The following WDR13 variants were observed in gnomAD, a reference collection of about 807,000 sequenced individuals.
WDR13 encodes WD repeat-containing protein 13.
WDR13 carries 1 observed loss-of-function variant against 28.6 expected under a neutral mutation model. That is an observed-to-expected ratio of 0.03 (90% CI 0.01 to 0.17). The LOEUF (loss-of-function observed/expected upper bound fraction) is 0.17, where lower values mean the gene tolerates loss of function less well. Among genes scored for constraint, WDR13 ranks in the 10% least tolerant of loss-of-function variants. The pLI, the probability that WDR13 is intolerant of heterozygous loss-of-function variation, is 1.00. For missense variants in WDR13, 264 were observed against 469.3 expected (o/e 0.56, Z 4.04); for synonymous variants, 201 against 185.9 (o/e 1.08, Z -0.66).
Position 48,607,018 on chromosome X carries a change from G to A in WDR13, c.*1986G>A, listed in dbSNP as rs782585587. On this transcript the variant is annotated 3_prime_UTR_variant, in exon 10 of 10. Coordinates refer to ENST00000376729, the MANE Select transcript of WDR13 (RefSeq NM_001347217.2). The stretch of plus-strand genomic sequence containing the variant: ...CATCAGTGAGCTGGATTGTTCCCAT[G>A]GTAAAGGTCATGTATGTGTGTGTGT... 1 of 111,344 alleles carries A rather than the reference G, an allele frequency of 9.0e-6. No individual in the cohort carries two copies. The highest frequency in any genetic ancestry group is 1.9e-5 in the Non-Finnish European group (1 of 53,051). 9.2% of individuals were successfully genotyped at this position (111,344 alleles called of 1,213,427 possible). A position where few individuals can be genotyped will look rare whatever the true frequency, so the allele number is the denominator to read the frequency against.
intron 6 of WDR13, among the ~76,000 whole-genome samples, 198 bp from the exon 7 acceptor site, chrX:48,601,586 C>T (rs2062186188): frequency 8.9e-6 from 1 of 112,011 alleles, no homozygotes; most frequent in Non-Finnish European, 1.9e-5. Context: ...AGGCAGGTGG[C>T]CTACTCTGGG....
At chrX:48,602,272 G>C in intron 8 of WDR13, 66 bp downstream of exon 8, 1 of 1,097,305 alleles carries the variant, frequency 9.1e-7, no homozygotes, top group Non-Finnish European at 1.2e-6. Flanking sequence ...TGGGACAGTA[G>C]CTCATCTCCT....
chrX:48,600,782 T>C (rs1272757818), intron 6 of WDR13, 156 bp downstream of exon 6: 1 of 609,730 alleles, frequency 1.6e-6, no homozygotes, highest in African/African-American at 2.7e-5. Context: ...GTGGTCAGAC[T>C]TAAAAGGGAA....
In WDR13 at chrX:48,600,473, C is replaced by T; in HGVS notation, c.678C>T (p.Ser226=). 1 of 1,212,539 alleles carries T rather than the reference C, an allele frequency of 8.2e-7. No homozygotes were observed. Among genetic ancestry groups the T allele is most frequent in the Non-Finnish European group, 1.1e-6 (1 of 895,690 alleles). Residue 226 remains serine, a synonymous_variant, in exon 6 of 10, where the codon TCC becomes TCT. Transcript: ENST00000376729. ...GTGGTGTCTCCGACTTCGCCTGGTCCCTCTCCAATGACATCCTCGTGTCCA... is the reference window on the plus strand; with the variant it reads ...GTGGTGTCTCCGACTTCGCCTGGTCTCTCTCCAATGACATCCTCGTGTCCA... ...HTRGVSDFAW[S]LSNDILVSTS...
intron 6 of WDR13, among the ~76,000 whole-genome samples, chrX:48,601,532 G>A (rs781855848): frequency 5.3e-5 from 6 of 112,382 alleles, no homozygotes; most frequent in Non-Finnish European, 7.5e-5. Flanking sequence ...TAGGAGGACT[G>A]GCCAAGGGGC....
chrX:48,607,412 G>T lies in WDR13; in HGVS notation c.*2380G>T, dbSNP rs1214020443. On this transcript the variant is annotated 3_prime_UTR_variant, in exon 10 of 10. Coordinates refer to ENST00000376729, the MANE Select transcript of WDR13 (RefSeq NM_001347217.2). ...GGGGGGGGTCTTGCTCTGACGCCCAGGCTGGAATGCAGTGGCATGATCTTG... is the reference window on the plus strand; with the variant it reads ...GGGGGGGGTCTTGCTCTGACGCCCATGCTGGAATGCAGTGGCATGATCTTG... The T allele has an allele frequency of 1.3e-5, 1 of 77,922 alleles. No individual in the cohort carries two copies. Among genetic ancestry groups the T allele is most frequent in the African/African-American group, 4.8e-5 (1 of 21,040 alleles). The allele number at this position is 77,922 out of a possible 1,213,427, so 6.4% of individuals were successfully genotyped here. A position where few individuals can be genotyped will look rare whatever the true frequency, so the allele number is the denominator to read the frequency against.
In WDR13 at chrX:48,598,046, T is replaced by G; in HGVS notation, c.41+9T>G. The G allele has an allele frequency of 8.6e-7, 1 of 1,164,424 alleles. No homozygotes were observed. Among genetic ancestry groups the G allele is most frequent in the Non-Finnish European group, 1.1e-6 (1 of 871,826 alleles). ...TTAGCAGTGGACGCGAGGTGAGGCGTGGGGTCAAAGCCCATGGGAGCAGAA... is the reference window on the plus strand; with the variant it reads ...TTAGCAGTGGACGCGAGGTGAGGCGGGGGGTCAAAGCCCATGGGAGCAGAA... On this transcript the variant is annotated intron_variant, in intron 2 of 9. Coordinates refer to ENST00000376729, the MANE Select transcript of WDR13 (RefSeq NM_001347217.2).
In WDR13 at chrX:48,598,108, C is replaced by T. The variant is rs1004794522; in HGVS notation, c.41+71C>T. The T allele has an allele frequency of 6.9e-6, 8 of 1,154,800 alleles. No homozygotes were observed. In the Admixed American group the frequency reaches 8.3e-5, roughly 12 times the overall value. ...GCATGCGCAATGGCGATAAGTGAGG[C>T]TGGGCGGAGAACTTGCCTTATGCGG... On this transcript the variant is annotated intron_variant, in intron 2 of 9. Coordinates refer to ENST00000376729, the MANE Select transcript of WDR13 (RefSeq NM_001347217.2).
In WDR13 at chrX:48,600,388, C is replaced by T; in HGVS notation, c.593C>T (p.Ser198Phe). 8.3e-7 allele frequency: 1 copy of T among 1,211,236 alleles called. No homozygotes were observed. Among genetic ancestry groups the T allele is most frequent in the Non-Finnish European group, 1.1e-6 (1 of 895,631 alleles). Reference protein sequence around the residue: ...LACCSLDGSISLCQLVPAPPT... With the variant: ...LACCSLDGSIFLCQLVPAPPT... The stretch of plus-strand genomic sequence containing the variant: ...TGCTGCTCACTCGACGGCAGCATCT[C>T]CCTGTGCCAGCTGGTGCCTGCCCCA... The change falls in exon 6 of 10, where the codon TCC becomes TTC. Residue 198 changes from serine to phenylalanine, a missense_variant. By Grantham distance (155) the Ser-to-Phe change is radical. Transcript: ENST00000376729.
At chrX:48,599,209 C>A in intron 3 of WDR13, 144 bp from the exon 4 acceptor site, 1 of 618,158 alleles carries the variant, frequency 1.6e-6, no homozygotes, top group Non-Finnish European at 2.5e-6. Context: ...GAAGCCACTG[C>A]AGTAGTACAA....
In WDR13 at chrX:48,608,226, C is replaced by A. The variant is rs1406959173; in HGVS notation, c.*3194C>A. The A allele has an allele frequency of 9.2e-6, 1 of 108,314 alleles. No individual in the cohort carries two copies. Among genetic ancestry groups the A allele is most frequent in the Non-Finnish European group, 1.9e-5 (1 of 52,529 alleles). The allele number at this position is 108,314 out of a possible 1,213,427, so 8.9% of individuals were successfully genotyped here. A position where few individuals can be genotyped will look rare whatever the true frequency, so the allele number is the denominator to read the frequency against. The stretch of plus-strand genomic sequence containing the variant: ...GCAGCCTCAACCTCCCAGGCTCAAG[C>A]GGTCCTGCTGCCTCATCCTCCAAAG... On this transcript the variant is annotated 3_prime_UTR_variant, in exon 10 of 10. Transcript: ENST00000376729.
Position 48,607,394 on chromosome X carries a change from G to GT in WDR13, c.*2363dup, listed in dbSNP as rs2062227818. ...GTTTTTTTTTGGCGGGGGGGGGGGG[G>GT]TCTTGCTCTGACGCCCAGGCTGGAA... On this transcript the variant is annotated 3_prime_UTR_variant, in exon 10 of 10. Transcript: ENST00000376729. 2.6e-5 allele frequency: 1 copy of GT among 37,873 alleles called. No homozygotes were observed. The highest frequency in any genetic ancestry group is 6.8e-5 in the African/African-American group (1 of 14,708). The allele number at this position is 37,873 out of a possible 1,213,427, so 3.1% of individuals were successfully genotyped here.
rs1050566425 is a variant in WDR13, at chrX:48,602,221, A to G, written c.1154+15A>G. 8.3e-7 allele frequency: 1 copy of G among 1,201,863 alleles called. No individual in the cohort carries two copies. The highest frequency in any genetic ancestry group is 2.2e-5 in the Admixed American group (1 of 45,859). On this transcript the variant is annotated intron_variant, in intron 8 of 9. Coordinates refer to ENST00000376729, the MANE Select transcript of WDR13 (RefSeq NM_001347217.2). Reference sequence around the variant, plus strand: ...CTGCTCTACAGGTGGGTCCCCCATCAGGGCCTCCTGGAGACGGAGGACCTG... The same window carrying G: ...CTGCTCTACAGGTGGGTCCCCCATCGGGGCCTCCTGGAGACGGAGGACCTG...
intron 6 of WDR13, among the ~76,000 whole-genome samples, chrX:48,601,210 TAC>T (rs1193681898): frequency 2.7e-5 from 3 of 112,781 alleles, no homozygotes; most frequent in Non-Finnish European, 5.6e-5. Context: ...GCTACAGTCC[TAC>T]AGTTTTCCAA....
rs782714554 is a variant in WDR13, at chrX:48,606,060, CAGTT to C, written c.*1031_*1034del. 3 of 108,976 alleles carry C rather than the reference CAGTT, an allele frequency of 2.8e-5. No homozygotes were observed. Among genetic ancestry groups the C allele is most frequent in the East Asian group, 2.9e-4 (1 of 3,420 alleles). The allele number at this position is 108,976 out of a possible 1,213,427, so 9.0% of individuals were successfully genotyped here. A position where few individuals can be genotyped will look rare whatever the true frequency, so the allele number is the denominator to read the frequency against. ...GACAGGCCAGATGCTTCATGGGCCA[CAGTT>C]AGGACTTTGGCTTTTTTTCTGAGTG... On this transcript the variant is annotated 3_prime_UTR_variant, in exon 10 of 10. Coordinates refer to ENST00000376729, the MANE Select transcript of WDR13 (RefSeq NM_001347217.2).
At position 48,598,935 on chromosome X, in the gene WDR13, G is replaced by A. The variant is rs1556993585; in HGVS notation, c.260G>A (p.Arg87His). 8.3e-7 allele frequency: 1 copy of A among 1,205,684 alleles called. No homozygotes were observed. The highest frequency in any genetic ancestry group is 1.1e-6 in the Non-Finnish European group (1 of 892,401). The change falls in exon 3 of 10, where the codon CGC becomes CAC. Residue 87 changes from arginine to histidine, a missense_variant. Arg to His is a conservative substitution (Grantham distance 29). Around this residue, in one of 4 missense-constraint regions of WDR13, gnomAD observed 74 missense variants for 89.3 expected, o/e 0.83. Coordinates refer to ENST00000376729, the MANE Select transcript of WDR13 (RefSeq NM_001347217.2). Reference protein sequence around the residue: ...AYSNSIVRSSRTTLDRMEDFE... With the variant: ...AYSNSIVRSSHTTLDRMEDFE... ...AGCAACAGCATCGTCCGCAGTAGCCGCACTACTCTTGACCGCATGGAGGTG... is the reference window on the plus strand; with the variant it reads ...AGCAACAGCATCGTCCGCAGTAGCCACACTACTCTTGACCGCATGGAGGTG...
At chrX:48,598,466 C>A in intron 2 of WDR13, 1 of 1,031,914 alleles carries the variant, frequency 9.7e-7, no homozygotes, top group Non-Finnish European at 1.2e-6. Context: ...CCAGTCACCC[C>A]GTAGGGACCC....
chrX:48,599,861 T>C, intron 5 of WDR13, 144 bp downstream of exon 5: 1 of 915,491 alleles, frequency 1.1e-6, no homozygotes, highest in South Asian at 2.5e-5. Context: ...AGACTGAAAA[T>C]CCCTCTGCAA....
In WDR13 at chrX:48,604,900, C is replaced by T. The variant is rs1556995638; in HGVS notation, c.1326C>T (p.Ala442=). 4.1e-6 allele frequency: 5 copies of T among 1,211,551 alleles called. No homozygotes were observed. In the South Asian group the frequency reaches 8.8e-5, roughly 21 times the overall value. The part of the protein sequence containing the change: ...CVHFFDVERA[A]KAAVNKLQGH... ...ACTTCTTTGATGTGGAGCGGGCGGC[C>T]AAGGCTGCTGTCAACAAGCTGCAGG... Residue 442 remains alanine (A), a synonymous_variant, in exon 10 of 10, where the codon GCC becomes GCT. Transcript: ENST00000376729.
Sources: gnomAD v4.1 joint callset for allele counts (sites outside exome capture counted in the v4.1 genomes callset) on GRCh38, gnomAD v4.1.1 for gene constraint, gnomAD v4.1.1 regional missense constraint, MANE v1.5 for transcripts, NCBI Gene and HGNC (gene_info 2026-07-23, HGNC 2026-07-21) for gene names.